PDHX: variants seen among roughly 807,000 people sequenced by gnomAD.
PDHX encodes the protein pyruvate dehydrogenase complex component X.
A neutral mutation model predicts 55.3 loss-of-function variants in PDHX; 33 were observed. The ratio of observed to expected loss-of-function variants is 0.60; its 90% CI spans 0.45 to 0.80. The LOEUF (loss-of-function observed/expected upper bound fraction) is 0.80, where lower values mean the gene tolerates loss of function less well. Ranked by LOEUF, PDHX falls within the 30% of genes least tolerant of loss-of-function variation. PDHX has a pLI of 0.00. For missense variants in PDHX, 622 were observed against 619.9 expected, an observed-to-expected ratio of 1.00 and a Z score of -0.04; for synonymous variants, 226 against 219.4, an observed-to-expected ratio of 1.03 and a Z score of -0.27.
At chr11:34,923,346 G>A (rs778651451) in intron 1 of PDHX, among the ~76,000 whole-genome samples, 3 of 152,084 alleles carry the variant, frequency 2.0e-5, no homozygotes, top group Non-Finnish European at 2.9e-5. Context: ...ATTCAGGAGA[G>A]ATTTCTTGGG....
intron 1 of PDHX, 136 bp from the exon 2 acceptor site, chr11:34,931,268 C>A: frequency 1.5e-6 from 1 of 656,298 alleles, no homozygotes; most frequent in Non-Finnish European, 2.8e-6. Context: ...ACTTAGTTTA[C>A]CAGTTGGGAA....
At chr11:34,989,950 A>G (rs776967481) in intron 9 of PDHX, among the ~76,000 whole-genome samples, 1 of 152,130 alleles carries the variant, frequency 6.6e-6, no homozygotes, top group Non-Finnish European at 1.5e-5. Context: ...GTTTCATTGA[A>G]ATTAATTTTT....
In PDHX at chr11:34,955,389, A is replaced by C. The variant is rs1161048685; in HGVS notation, c.343-1995A>C. On this transcript the variant is annotated intron_variant, in intron 3 of 10. Transcript: ENST00000227868. ...CTCTGAAAGATCTCTGCACCAAAGGAATAGAAAAGGTTGAAGAAATTATCT... is the reference window on the plus strand; with the variant it reads ...CTCTGAAAGATCTCTGCACCAAAGGCATAGAAAAGGTTGAAGAAATTATCT... Among the ~76,000 whole-genome samples the C allele has an allele frequency of 4.6e-5, 7 of 152,334 alleles. No individual in the cohort carries two copies. The East Asian group carries it at 1.3e-3, about 29-fold the overall frequency.
intron 1 of PDHX, among the ~76,000 whole-genome samples, chr11:34,930,848 A>G (rs769563783): frequency 5.9e-5 from 9 of 152,244 alleles, no homozygotes; most frequent in Admixed American, 5.9e-4. Flanking sequence ...TGACAAGGCA[A>G]ACGTTTCCTT....
chr11:34,916,093 T>A, upstream of PDHX: 1 of 1,168,348 alleles, frequency 8.6e-7, no homozygotes, highest in Non-Finnish European at 1.2e-6. Flanking sequence ...TGCGCCGGGG[T>A]AGCGAACGGC....
In PDHX at chr11:34,994,906, C is replaced by G. The variant is rs766008159; in HGVS notation, c.1248-8C>G. The G allele has an allele frequency of 1.2e-6, 2 of 1,613,560 alleles. No individual in the cohort carries two copies. The highest frequency in any genetic ancestry group is 1.7e-6 in the Non-Finnish European group (2 of 1,179,694). On this transcript the variant is annotated splice_polypyrimidine_tract_variant and splice_region_variant and intron_variant, in intron 10 of 10. Coordinates refer to ENST00000227868, the MANE Select transcript of PDHX (RefSeq NM_003477.3). Reference sequence around the variant, plus strand: ...TGCCTCCTTCAGAGCTTTTTCTTTTCCCCCTAGTATTTCCAACTTGGGGAT... The same window carrying G: ...TGCCTCCTTCAGAGCTTTTTCTTTTGCCCCTAGTATTTCCAACTTGGGGAT...
intron 10 of PDHX, 111 bp downstream of exon 10, chr11:34,992,490 A>G: frequency 1.5e-6 from 1 of 666,064 alleles, no homozygotes; most frequent in Non-Finnish European, 2.7e-6. Context: ...TTTAAGCTAA[A>G]AATACTTTAT....
chr11:34,916,249 A>T (rs369975644), upstream of PDHX: 40 of 1,612,360 alleles, frequency 2.5e-5, no homozygotes, highest in Non-Finnish European at 3.1e-5. Flanking sequence ...ATCTCCGGGA[A>T]CAACAGTCTC....
chr11:34,984,531 G>T, intron 8 of PDHX, 39 bp from the exon 9 acceptor site: 2 of 1,595,344 alleles, frequency 1.3e-6, no homozygotes, highest in Non-Finnish European at 1.7e-6. Flanking sequence ...TTGGTCTAAA[G>T]CTGCTTTTTT....
At chr11:34,916,289 C>T, upstream of PDHX, 1 of 1,612,142 alleles carries the variant, frequency 6.2e-7, no homozygotes, top group African/African-American at 1.3e-5. Context: ...AGACATGGCC[C>T]AGACCAGGGA....
chr11:34,916,097 G>T (rs890108854), upstream of PDHX: 7 of 1,230,684 alleles, frequency 5.7e-6, no homozygotes, highest in African/African-American at 4.7e-5. Flanking sequence ...CCGGGGTAGC[G>T]AACGGCCAGG....
At chr11:34,985,171 G>C (rs141236521) in intron 9 of PDHX, among the ~76,000 whole-genome samples, 1 of 152,114 alleles carries the variant, frequency 6.6e-6, no homozygotes, top group Non-Finnish European at 1.5e-5. Context: ...GGCCAGGCGC[G>C]GTGTCTCACG....
At chr11:34,961,065 C>G (rs1322744148) in intron 5 of PDHX, among the ~76,000 whole-genome samples, 1 of 152,126 alleles carries the variant, frequency 6.6e-6, no homozygotes, top group Non-Finnish European at 1.5e-5. Flanking sequence ...AATCTGATAA[C>G]AATAGCTTTG....
At chr11:34,963,511 C>G (rs1855063934) in intron 5 of PDHX, among the ~76,000 whole-genome samples, 1 of 152,134 alleles carries the variant, frequency 6.6e-6, no homozygotes, top group Non-Finnish European at 1.5e-5. Flanking sequence ...AGCTCTTGGC[C>G]TCAGGTGACC....
chr11:34,927,319 G>T (rs1206188853), intron 1 of PDHX, among the ~76,000 whole-genome samples: 1 of 152,058 alleles, frequency 6.6e-6, no homozygotes, highest in Non-Finnish European at 1.5e-5. Context: ...GTAGTTGTGG[G>T]AAACTAATAC....
chr11:34,953,524 G>T (rs1197917627), intron 3 of PDHX, among the ~76,000 whole-genome samples: 1 of 152,162 alleles, frequency 6.6e-6, no homozygotes, highest in Non-Finnish European at 1.5e-5. Context: ...ATGACAGATT[G>T]TGAGGAAAGA....
chr11:34,921,152 T>C (rs1301001217), intron 1 of PDHX, among the ~76,000 whole-genome samples: 1 of 152,234 alleles, frequency 6.6e-6, no homozygotes, highest in Admixed American at 6.5e-5. Flanking sequence ...AAAAGTAGGA[T>C]TTATTAAAAG....
intron 2 of PDHX, among the ~76,000 whole-genome samples, chr11:34,936,668 T>C (rs955461727): frequency 1.4e-4 from 21 of 152,092 alleles, no homozygotes; most frequent in Admixed American, 3.9e-4. Context: ...AGATAGATTA[T>C]TGGAAGGATC....
At chr11:34,928,070 A>G (rs1429124020) in intron 1 of PDHX, among the ~76,000 whole-genome samples, 2 of 152,130 alleles carry the variant, frequency 1.3e-5, no homozygotes, top group African/African-American at 2.4e-5. Flanking sequence ...TAATGTCAAG[A>G]GTAATGGAAA....
Sources: allele counts gnomAD v4.1 joint callset (sites outside exome capture counted in the v4.1 genomes callset), GRCh38; gene constraint gnomAD v4.1.1; transcripts MANE v1.5; gene names NCBI Gene and HGNC (gene_info 2026-07-23, HGNC 2026-07-21).